Variants in LSM14A observed in about 807,000 individuals in gnomAD.
The protein encoded by LSM14A is protein LSM14 homolog A.
In LSM14A, 14 loss-of-function variants were observed where a neutral mutation model predicts 52.4. The ratio of observed to expected loss-of-function variants is 0.27; its 90% CI spans 0.18 to 0.42. The LOEUF (loss-of-function observed/expected upper bound fraction) is 0.42, where lower values mean the gene tolerates loss of function less well. LSM14A is among the 10% of genes least tolerant of loss of function. The probability of loss-of-function intolerance (pLI) is 1.00; values close to 1 mark genes in which losing one functional copy is unlikely to be tolerated. For synonymous variants in LSM14A, 185 were observed against 200.3 expected (o/e 0.92, Z 0.64); for missense variants, 417 against 581.8 (o/e 0.72, Z 2.91).
At chr19:34,214,816 ATTTTT>A (rs35905842) in intron 4 of LSM14A, among the ~76,000 whole-genome samples, 2 of 142,742 alleles carry the variant, frequency 1.4e-5, no homozygotes, top group Non-Finnish European at 3.0e-5. Context: ...CCTGGCAGCA[ATTTTT>A]TTTTTTTTTT....
rs1004032033 is a variant in LSM14A at position 34,172,538 on chromosome 19, A to G, written c.-105A>G. The G allele has an allele frequency of 7.6e-7, 1 of 1,321,816 alleles. No homozygotes were observed. The highest frequency in any genetic ancestry group is 9.8e-7 in the Non-Finnish European group (1 of 1,019,312). The allele number at this position is 1,321,816 out of a possible 1,614,324, so 81.9% of individuals were successfully genotyped here. A position where few individuals can be genotyped will look rare whatever the true frequency, so the allele number is the denominator to read the frequency against. On this transcript the variant is annotated 5_prime_UTR_variant, in exon 1 of 10. Coordinates refer to ENST00000544216, the MANE Select transcript of LSM14A (RefSeq NM_015578.4). The stretch of plus-strand genomic sequence containing the variant: ...GGCGCCGCCGCCATGTTGGGTCTGA[A>G]GCGGCTGCTGTAGGCGCCGACGGAG...
chr19:34,173,411 T>C (rs1243359900), intron 1 of LSM14A, among the ~76,000 whole-genome samples: 1 of 152,186 alleles, frequency 6.6e-6, no homozygotes, highest in Non-Finnish European at 1.5e-5. Context: ...TGCTTGCTGC[T>C]GCCCCGACGC....
intron 1 of LSM14A, among the ~76,000 whole-genome samples, chr19:34,181,051 AC>A: frequency 6.6e-6 from 1 of 152,216 alleles, no homozygotes; most frequent in East Asian, 1.9e-4. Flanking sequence ...CCCCTCACAT[AC>A]CCAGTTACCT....
At chr19:34,174,687 A>G (rs1599650497) in intron 1 of LSM14A, among the ~76,000 whole-genome samples, 1 of 152,164 alleles carries the variant, frequency 6.6e-6, no homozygotes. Context: ...TTAGCTGTAT[A>G]GTGTTTTTCT....
intron 3 of LSM14A, among the ~76,000 whole-genome samples, chr19:34,200,803 T>G (rs1770721611): frequency 6.6e-6 from 1 of 152,216 alleles, no homozygotes; most frequent in African/African-American, 2.4e-5. Flanking sequence ...GTATGTTAAC[T>G]GTAACTTAGA....
intron 3 of LSM14A, among the ~76,000 whole-genome samples, chr19:34,197,656 G>T (rs2070961525): frequency 6.6e-6 from 1 of 151,718 alleles, no homozygotes; most frequent in Middle Eastern, 3.4e-3. Context: ...GGCCAAGCTG[G>T]TCTCGAACTC....
At chr19:34,202,724 C>T (rs1275707726) in intron 3 of LSM14A, among the ~76,000 whole-genome samples, 3 of 152,024 alleles carry the variant, frequency 2.0e-5, no homozygotes, top group Non-Finnish European at 2.9e-5. Flanking sequence ...GGCGCATCTC[C>T]GCTCACTGCA....
intron 1 of LSM14A, among the ~76,000 whole-genome samples, chr19:34,173,934 C>CTTCA (rs2068896755): frequency 6.6e-6 from 1 of 150,854 alleles, no homozygotes; most frequent in Non-Finnish European, 1.5e-5. Flanking sequence ...CTGGTAAATC[C>CTTCA]TTTATTTATT....
chr19:34,227,579 T>C lies in LSM14A; in HGVS notation c.*191T>C. 1 of 508,202 alleles carries C rather than the reference T, an allele frequency of 2.0e-6. No homozygotes were observed. Among genetic ancestry groups the C allele is most frequent in the Admixed American group, 4.1e-5 (1 of 24,196 alleles). 31.5% of individuals were successfully genotyped at this position (508,202 alleles called of 1,614,324 possible). A position where few individuals can be genotyped will look rare whatever the true frequency, so the allele number is the denominator to read the frequency against. On this transcript the variant is annotated 3_prime_UTR_variant, in exon 10 of 10. Coordinates refer to ENST00000544216, the MANE Select transcript of LSM14A (RefSeq NM_015578.4). ...GCAGTTACTTTTGGGGGTGGAAGGC[T>C]CATCTTAAAACATGAGCATTAAATA...
chr19:34,187,962 A>G (rs371731978), intron 1 of LSM14A, among the ~76,000 whole-genome samples: 2 of 152,212 alleles, frequency 1.3e-5, no homozygotes, highest in East Asian at 3.9e-4. Flanking sequence ...CAAGCTAGAA[A>G]TATAAAATTG....
chr19:34,173,034 C>T (rs2068816502), intron 1 of LSM14A, among the ~76,000 whole-genome samples: 1 of 152,228 alleles, frequency 6.6e-6, no homozygotes, highest in Non-Finnish European at 1.5e-5. Context: ...GAGAACGGGC[C>T]GGAGAACACG....
intron 3 of LSM14A, among the ~76,000 whole-genome samples, chr19:34,200,835 TA>T (rs2071236469): frequency 6.6e-6 from 1 of 152,196 alleles, no homozygotes; most frequent in African/African-American, 2.4e-5. Context: ...GGGATTCAAG[TA>T]AGGAATGATT....
chr19:34,191,274 A>G (rs566843125), intron 1 of LSM14A, among the ~76,000 whole-genome samples: 2 of 151,966 alleles, frequency 1.3e-5, no homozygotes, highest in African/African-American at 4.8e-5. Context: ...TTTCTTGTGA[A>G]TGTCGAAGCA....
At chr19:34,214,249 AAGC>A (rs2072398499) in intron 4 of LSM14A, among the ~76,000 whole-genome samples, 1 of 151,816 alleles carries the variant, frequency 6.6e-6, no homozygotes, top group South Asian at 2.1e-4. Context: ...CAAGCCCCTA[AAGC>A]ATTAAAGAAC....
At chr19:34,175,472 T>C (rs990264449) in intron 1 of LSM14A, among the ~76,000 whole-genome samples, 11 of 152,176 alleles carry the variant, frequency 7.2e-5, no homozygotes, top group African/African-American at 2.7e-4. Context: ...CCTCAAGTGA[T>C]CCACCTGCCT....
rs369908168 is a variant in LSM14A at position 34,204,079 on chromosome 19, G to T, written c.416-4850G>T. Reference sequence around the variant, plus strand: ...ATCAGGATTTCTTCCAGAGGTAAAGGTTGGGGGGGCGTTCTTCGTAAAGAT... The same window carrying T: ...ATCAGGATTTCTTCCAGAGGTAAAGTTTGGGGGGGCGTTCTTCGTAAAGAT... On this transcript the variant is annotated intron_variant, in intron 3 of 9. Coordinates refer to ENST00000544216, the MANE Select transcript of LSM14A (RefSeq NM_015578.4). 1.1e-4 allele frequency among the ~76,000 whole-genome samples: 17 copies of T among 152,290 alleles called. 1 individual carries two copies. Among genetic ancestry groups the T allele is most frequent in the African/African-American group, 3.9e-4 (16 of 41,558 alleles).
At chr19:34,216,121 T>C (rs1226397194) in intron 6 of LSM14A, among the ~76,000 whole-genome samples, 1 of 152,182 alleles carries the variant, frequency 6.6e-6, no homozygotes, top group East Asian at 1.9e-4. Context: ...TTTTAAAATT[T>C]TACTTTTCTG....
At chr19:34,216,107 G>T (rs982317813) in intron 6 of LSM14A, among the ~76,000 whole-genome samples, 11 of 152,084 alleles carry the variant, frequency 7.2e-5, no homozygotes, top group African/African-American at 2.7e-4. Flanking sequence ...AAAATAAAAA[G>T]ATTTTTTAAA....
intron 1 of LSM14A, among the ~76,000 whole-genome samples, chr19:34,188,706 T>A (rs938748390): frequency 6.6e-6 from 1 of 152,200 alleles, no homozygotes; most frequent in African/African-American, 2.4e-5. Context: ...TCATACACTG[T>A]GTGACGTTTT....
Sources: gnomAD v4.1 joint callset for allele counts (sites outside exome capture counted in the v4.1 genomes callset) on GRCh38, gnomAD v4.1.1 for gene constraint, MANE v1.5 for transcripts, NCBI Gene and HGNC (gene_info 2026-07-23, HGNC 2026-07-21) for gene names.